The following TRAPPC3L variants were observed in gnomAD, a reference collection of about 807,000 sequenced individuals.
TRAPPC3L encodes trafficking protein particle complex subunit 3L, also known as trafficking protein particle complex subunit 3-like protein.
Under a neutral mutation model 23.7 loss-of-function variants are expected in TRAPPC3L, and 23 were observed. The observed-to-expected ratio is 0.97, with a 90% CI of 0.70 to 1.37. TRAPPC3L has a LOEUF of 1.37. Among genes scored for constraint, TRAPPC3L ranks in the 40% most tolerant of loss-of-function variants. The pLI is 0.00. For missense variants in TRAPPC3L, 212 were observed against 216.8 expected (o/e 0.98, Z 0.14); for synonymous variants, 81 against 77.9 (o/e 1.04, Z -0.21).
chr6:116,544,550 T>C (rs1331528184), intron 1 of TRAPPC3L, among the ~76,000 whole-genome samples: 1 of 152,172 alleles, frequency 6.6e-6, no homozygotes, highest in East Asian at 1.9e-4. Flanking sequence ...AAAATAATCA[T>C]ATGAATATCT....
At chr6:116,497,209 C>A (rs1771845797) in intron 4 of TRAPPC3L, 136 bp from the exon 5 acceptor site, 6 of 1,103,690 alleles carry the variant, frequency 5.4e-6, no homozygotes, top group Admixed American at 3.0e-5. Flanking sequence ...GATAAAGGGC[C>A]CTTTACTGAG....
chr6:116,545,484 A>G lies in TRAPPC3L; in HGVS notation c.31T>C (p.Tyr11His). The G allele has an allele frequency of 6.5e-7, 1 of 1,547,950 alleles. No individual in the cohort carries two copies. The highest frequency in any genetic ancestry group is 8.7e-7 in the Non-Finnish European group (1 of 1,144,742). Residue 11 changes from tyrosine (Y) to histidine (H), a missense_variant, in exon 1 of 5, where the codon TAC becomes CAC. Physicochemically the swap from Tyr to His is moderately conservative, Grantham distance 83. Coordinates refer to ENST00000368602, the MANE Select transcript of TRAPPC3L (RefSeq NM_001139444.3). MSRPAHRRPE[Y>H]HKINKDLFVL... ...TAGAAAGATCTTACTATTTTATGGTATTCTGGTCTTCGGTGTGCAGGGCGA... is the reference window on the plus strand; with the variant it reads ...TAGAAAGATCTTACTATTTTATGGTGTTCTGGTCTTCGGTGTGCAGGGCGA...
intron 3 of TRAPPC3L, chr6:116,523,262 T>C (rs1473964529): frequency 6.6e-6 from 1 of 152,216 alleles, no homozygotes; most frequent in East Asian, 1.9e-4. Flanking sequence ...TACCTTTCTA[T>C]TCATTCAAGG....
At chr6:116,541,604 A>T (rs1054748897) in intron 2 of TRAPPC3L, among the ~76,000 whole-genome samples, 1 of 152,216 alleles carries the variant, frequency 6.6e-6, no homozygotes, top group African/African-American at 2.4e-5. Flanking sequence ...AGAAATATTC[A>T]GTTTAGCTTC....
chr6:116,518,882 T>A (rs768550259), intron 3 of TRAPPC3L: 1 of 152,236 alleles, frequency 6.6e-6, no homozygotes, highest in Non-Finnish European at 1.5e-5. Context: ...GCTTAGTAAG[T>A]AGCAGAAGAG....
intron 3 of TRAPPC3L, among the ~76,000 whole-genome samples, chr6:116,533,488 C>T (rs2115200478): frequency 6.6e-6 from 1 of 152,288 alleles, no homozygotes; most frequent in South Asian, 2.1e-4. Context: ...TAGAGTTGCA[C>T]TGAGTGGCCA....
chr6:116,528,036 G>GT (rs1293327210), intron 3 of TRAPPC3L, among the ~76,000 whole-genome samples: 6 of 152,230 alleles, frequency 3.9e-5, no homozygotes, highest in Non-Finnish European at 5.9e-5. Context: ...CAGATTTCTT[G>GT]TAAGTCCTGA....
intron 3 of TRAPPC3L, chr6:116,515,491 G>A (rs1221007100): frequency 5.4e-6 from 6 of 1,108,298 alleles, no homozygotes; most frequent in African/African-American, 1.6e-5. Flanking sequence ...TTCAAATGAG[G>A]TATGTCAAAG....
chr6:116,496,705 T>C lies in TRAPPC3L; in HGVS notation c.*249A>G. On this transcript the variant is annotated 3_prime_UTR_variant, in exon 5 of 5. Transcript: ENST00000368602. ...AGGATGGATAGTGTAAGATGTGGAA[T>C]TCCTGCCTGCTATCTTGTAAGGAGC... 1 of 389,070 alleles carries C rather than the reference T, an allele frequency of 2.6e-6. No homozygotes were observed. Among genetic ancestry groups the C allele is most frequent in the Admixed American group, 4.8e-5 (1 of 20,624 alleles). 24.1% of individuals were successfully genotyped at this position (389,070 alleles called of 1,614,324 possible).
Position 116,501,049 on chromosome 6 carries a change from G to A in TRAPPC3L, c.241-383C>T, listed in dbSNP as rs1053510052. On this transcript the variant is annotated intron_variant, in intron 3 of 4. Coordinates refer to ENST00000368602, the MANE Select transcript of TRAPPC3L (RefSeq NM_001139444.3). ...GCAGGGCAGGGCATCGCCTCATGTG[G>A]GAAGTGCAAGGGATCAGGGAATTTC... Among the ~76,000 whole-genome samples, 4 of 152,156 alleles carry A rather than the reference G, an allele frequency of 2.6e-5. No homozygotes were observed. In the South Asian group the frequency reaches 8.3e-4, roughly 32 times the overall value.
At chr6:116,530,934 T>C (rs1772673607) in intron 3 of TRAPPC3L, among the ~76,000 whole-genome samples, 1 of 144,578 alleles carries the variant, frequency 6.9e-6, no homozygotes, top group South Asian at 2.2e-4. Flanking sequence ...TATATATATA[T>C]ATATATATAT....
chr6:116,504,641 T>C (rs1052108922), intron 3 of TRAPPC3L, among the ~76,000 whole-genome samples: 11 of 152,166 alleles, frequency 7.2e-5, no homozygotes, highest in African/African-American at 2.4e-4. Flanking sequence ...AGTAAGATAC[T>C]GGCAAACCGA....
chr6:116,514,303 A>C (rs1024610499), intron 3 of TRAPPC3L, among the ~76,000 whole-genome samples: 1 of 152,188 alleles, frequency 6.6e-6, no homozygotes, highest in Non-Finnish European at 1.5e-5. Flanking sequence ...GCTGTGGAAA[A>C]AGAGGAAGAC....
intron 3 of TRAPPC3L, among the ~76,000 whole-genome samples, chr6:116,510,745 A>G (rs184874843): frequency 7.7e-4 from 118 of 152,264 alleles, no homozygotes; most frequent in Non-Finnish European, 1.4e-3. Context: ...TCACAATTGC[A>G]AAGATATGAA....
chr6:116,511,122 G>A (rs991844707), intron 3 of TRAPPC3L, among the ~76,000 whole-genome samples: 1 of 117,540 alleles, frequency 8.5e-6, no homozygotes, highest in Non-Finnish European at 1.9e-5. Flanking sequence ...ATATATATAT[G>A]TATATTTATA....
chr6:116,530,843 A>G (rs565900959), intron 3 of TRAPPC3L, among the ~76,000 whole-genome samples: 10 of 145,950 alleles, frequency 6.9e-5, no homozygotes, highest in Non-Finnish European at 1.5e-4. Flanking sequence ...AAGAAAAACA[A>G]ACACCAGCAT....
At chr6:116,522,296 A>C (rs1312805959) in intron 3 of TRAPPC3L, 1 of 152,132 alleles carries the variant, frequency 6.6e-6, no homozygotes, top group Non-Finnish European at 1.5e-5. Flanking sequence ...GTCCTATCCA[A>C]CTCCATGACC....
rs536781601 is a variant in TRAPPC3L, at chr6:116,532,328, T to C, written c.240+8035A>G. On this transcript the variant is annotated intron_variant, in intron 3 of 4. Transcript: ENST00000368602. ...ATTGCCCAGGCAGGTCTCGAACTCCTGGGCTCAAGCTATCCTTCCGCGTCT... is the reference window on the plus strand; with the variant it reads ...ATTGCCCAGGCAGGTCTCGAACTCCCGGGCTCAAGCTATCCTTCCGCGTCT... Among the ~76,000 whole-genome samples, 13 of 152,314 alleles carry C rather than the reference T, an allele frequency of 8.5e-5. No individual in the cohort carries two copies. In the East Asian group the frequency reaches 2.5e-3, roughly 29 times the overall value.
At position 116,515,528 on chromosome 6, in the gene TRAPPC3L, T is replaced by G. The variant is rs1455882707; in HGVS notation, c.241-14862A>C. The G allele has an allele frequency of 2.0e-6, 3 of 1,464,738 alleles. No individual in the cohort carries two copies. The African/African-American group carries it at 4.3e-5, about 21-fold the overall frequency. The allele number at this position is 1,464,738 out of a possible 1,614,324, so 90.7% of individuals were successfully genotyped here. A position where few individuals can be genotyped will look rare whatever the true frequency, so the allele number is the denominator to read the frequency against. ...CTGTGGTAATAATTTAGCTATACACTTCTCAATAATACCCCAGCTCCCTAA... is the reference window on the plus strand; with the variant it reads ...CTGTGGTAATAATTTAGCTATACACGTCTCAATAATACCCCAGCTCCCTAA... On this transcript the variant is annotated intron_variant, in intron 3 of 4. Coordinates refer to ENST00000368602, the MANE Select transcript of TRAPPC3L (RefSeq NM_001139444.3).
Sources: gnomAD v4.1 joint callset for allele counts (sites outside exome capture counted in the v4.1 genomes callset) on GRCh38, gnomAD v4.1.1 for gene constraint, MANE v1.5 for transcripts, NCBI Gene and HGNC (gene_info 2026-07-23, HGNC 2026-07-21) for gene names.